The following KCNC3 variants were observed in gnomAD, a reference collection of about 807,000 sequenced individuals.
KCNC3 encodes the protein potassium voltage-gated channel subfamily C member 3.
KCNC3 carries 22 observed loss-of-function variants against 43.9 expected under a neutral mutation model. The ratio of observed to expected loss-of-function variants is 0.50; its 90% CI spans 0.36 to 0.72. KCNC3 has a LOEUF of 0.72. Ranked by LOEUF, KCNC3 falls within the 30% of genes least tolerant of loss-of-function variation. The pLI is 0.00. For synonymous variants in KCNC3, 492 were observed against 488.0 expected, an observed-to-expected ratio of 1.01 and a Z score of -0.11; for missense variants, 829 against 1,073.8, an observed-to-expected ratio of 0.77 and a Z score of 3.19.
intron 4 of KCNC3, among the ~76,000 whole-genome samples, chr19:50,317,810 C>G (rs973837375): frequency 6.6e-5 from 10 of 152,174 alleles, no homozygotes; most frequent in African/African-American, 2.4e-4. Flanking sequence ...CCTTTTCTTC[C>G]CCCAGAGATG....
intron 4 of KCNC3, among the ~76,000 whole-genome samples, chr19:50,319,541 C>T (rs1328166782): frequency 2.0e-5 from 3 of 152,210 alleles, no homozygotes; most frequent in African/African-American, 7.2e-5. Flanking sequence ...GGATTTCTTC[C>T]TCTGCGTGTG....
chr19:50,321,069 G>C (rs2037028295), intron 2 of KCNC3, among the ~76,000 whole-genome samples: 1 of 151,886 alleles, frequency 6.6e-6, no homozygotes, highest in African/African-American at 2.4e-5. Context: ...ACAGGGAGTT[G>C]GACAGATTGT....
chr19:50,326,689 C>T (rs1390271027), intron 1 of KCNC3, among the ~76,000 whole-genome samples: 5 of 152,196 alleles, frequency 3.3e-5, no homozygotes, highest in African/African-American at 1.2e-4. Flanking sequence ...CACATTCTCC[C>T]TCCGGGGTCC....
At chr19:50,331,399 G>A (rs1051346410), upstream of KCNC3, among the ~76,000 whole-genome samples, 17 of 151,390 alleles carry the variant, frequency 1.1e-4, no homozygotes, top group African/African-American at 3.9e-4. Context: ...CTCCCTCCCC[G>A]CAACCCGCTT....
chr19:50,321,350 C>A (rs1261628587), intron 2 of KCNC3, among the ~76,000 whole-genome samples: 1 of 152,122 alleles, frequency 6.6e-6, no homozygotes, highest in East Asian at 1.9e-4. Flanking sequence ...CGCCTATAGT[C>A]CCAGCTACTC....
Position 50,324,552 on chromosome 19 carries a change from G to C in KCNC3, c.871-470C>G, listed in dbSNP as rs976759540. ...GGGCAGACGGGAAGGGAGAAGGCGG[G>C]CAGGGAGGCAGAATCGTGAGGTGGT... On this transcript the variant is annotated intron_variant, in intron 1 of 4. Transcript: ENST00000477616. This position sits in a 1 kb window ranked among gnomAD's most constrained non-coding sequence, Gnocchi z 4.1. Among the ~76,000 whole-genome samples, 1 of 152,216 alleles carries C rather than the reference G, an allele frequency of 6.6e-6. No homozygotes were observed. The highest frequency in any genetic ancestry group is 2.4e-5 in the African/African-American group (1 of 41,462).
chr19:50,318,418 A>C (rs1240325307), intron 4 of KCNC3, among the ~76,000 whole-genome samples: 1 of 149,744 alleles, frequency 6.7e-6, no homozygotes, highest in African/African-American at 2.5e-5. Flanking sequence ...CAAGTGATCC[A>C]CTGTCCTCGG....
In KCNC3 at chr19:50,323,015, G is replaced by C. The variant is rs1396745466; in HGVS notation, c.1938C>G (p.Cys646Trp). ...LPPLPAPGEPCPLAQEEVIEI... is the reference protein window; with the variant it reads ...LPPLPAPGEPWPLAQEEVIEI... The stretch of plus-strand genomic sequence containing the variant: ...CAATCACCTCCTCCTGAGCCAACGG[G>C]CAAGGCTCGCCGGGGGCTGGCAGAG... Residue 646 changes from cysteine to tryptophan, a missense_variant, in exon 2 of 5, where the codon TGC becomes TGG. Cys to Trp is a radical substitution (Grantham distance 215, BLOSUM62 -2). Around this residue, in one of 7 missense-constraint regions of KCNC3, gnomAD observed 308 missense variants for 276.2 expected, o/e 1.11. Transcript: ENST00000477616. 1.3e-6 allele frequency: 2 copies of C among 1,547,756 alleles called. No individual in the cohort carries two copies. The highest frequency in any genetic ancestry group is 1.7e-6 in the Non-Finnish European group (2 of 1,146,304).
intron 1 of KCNC3, among the ~76,000 whole-genome samples, chr19:50,326,973 C>T (rs2037115505): frequency 6.6e-6 from 1 of 151,422 alleles, no homozygotes; most frequent in Non-Finnish European, 1.5e-5. Flanking sequence ...AATCCCAGGG[C>T]AAGGTAGAAA....
chr19:50,322,306 G>A (rs2037043932), intron 2 of KCNC3, among the ~76,000 whole-genome samples: 1 of 152,084 alleles, frequency 6.6e-6, no homozygotes, highest in African/African-American at 2.4e-5. Flanking sequence ...GCACCTCTCT[G>A]GATCTCTCTT....
At chr19:50,331,652 C>G (rs115851052), upstream of KCNC3, among the ~76,000 whole-genome samples, 46,823 of 139,754 alleles carry the variant, frequency 0.34, 10,120 homozygotes, top group Non-Finnish European at 0.46. Context: ...GTATTTCCCC[C>G]TCTTCCGTCT....
chr19:50,328,478 A>C lies in KCNC3; in HGVS notation c.605T>G (p.Phe202Cys). ...HRDAEEALDSFEAPDPAGAAN... is the reference protein window; with the variant it reads ...HRDAEEALDSCEAPDPAGAAN... ...GGCGCCCGCGGGGTCGGGCGCCTCGAAGGAGTCGAGCGCCTCCTCAGCGTC... is the reference window on the plus strand; with the variant it reads ...GGCGCCCGCGGGGTCGGGCGCCTCGCAGGAGTCGAGCGCCTCCTCAGCGTC... The change falls in exon 1 of 5, where the codon TTC (phenylalanine) becomes TGC (cysteine). Residue 202 changes from phenylalanine to cysteine, a missense_variant. Coordinates refer to ENST00000477616, the MANE Select transcript of KCNC3 (RefSeq NM_004977.3). 1 of 1,605,240 alleles carries C rather than the reference A, an allele frequency of 6.2e-7. No individual in the cohort carries two copies.
At position 50,323,982 on chromosome 19, in the gene KCNC3, G is replaced by A; in HGVS notation, c.971C>T (p.Thr324Ile). 3 of 1,613,192 alleles carry A rather than the reference G, an allele frequency of 1.9e-6. No homozygotes were observed. The highest frequency in any genetic ancestry group is 1.7e-6 in the Non-Finnish European group (2 of 1,179,174). The change falls in exon 2 of 5, where the codon ACC (threonine) becomes ATC (isoleucine). Residue 324 changes from threonine to isoleucine, a missense_variant. Thr to Ile is a moderately conservative substitution (Grantham distance 89). Coordinates refer to ENST00000477616, the MANE Select transcript of KCNC3 (RefSeq NM_004977.3). ...TGCCCCGGGGATCGGGGAGGCCTGG[G>A]TCACCGTCTTGTTGCTAATATGGAT... ...GFIHISNKTV[T>I]QASPIPGAPP...
chr19:50,319,422 G>T (rs73062503), intron 4 of KCNC3, among the ~76,000 whole-genome samples: 4,074 of 152,190 alleles, frequency 0.027, 105 homozygotes, highest in African/African-American at 0.067. Context: ...TAGACAAGGT[G>T]GCAGCCTCTC....
chr19:50,314,581 AG>A lies in KCNC3; in HGVS notation c.*1533del, dbSNP rs771315483. The A allele has an allele frequency of 3.5e-6, 1 of 288,732 alleles. No individual in the cohort carries two copies. The highest frequency in any genetic ancestry group is 2.4e-5 in the African/African-American group (1 of 42,404). The allele number at this position is 288,732 out of a possible 1,614,324, so 17.9% of individuals were successfully genotyped here. Reference sequence around the variant, plus strand: ...GGACTTATTTACACAAGTTGATGGCAGGGGGATGTCCTATGGCTCGTGGAGA... The same window carrying A: ...GGACTTATTTACACAAGTTGATGGCAGGGGATGTCCTATGGCTCGTGGAGA... On this transcript the variant is annotated 3_prime_UTR_variant, in exon 5 of 5. Transcript: ENST00000477616.
Position 50,318,072 on chromosome 19 carries a change from C to T in KCNC3, c.*24-1981G>A, listed in dbSNP as rs142541921. The stretch of plus-strand genomic sequence containing the variant: ...CCTCCCAAAGTGCTGGGGTTATAGG[C>T]GGCAGCCACTGTGCCCAGCCAGACC... On this transcript the variant is annotated intron_variant, in intron 4 of 4. Coordinates refer to ENST00000477616, the MANE Select transcript of KCNC3 (RefSeq NM_004977.3). Among the ~76,000 whole-genome samples, 1,062 of 150,990 alleles carry T rather than the reference C, an allele frequency of 7.0e-3. 9 individuals carry two copies. Among genetic ancestry groups the T allele is most frequent in the African/African-American group, 0.024 (987 of 41,106 alleles).
At chr19:50,319,866 G>A (rs1470861429) in intron 4 of KCNC3, among the ~76,000 whole-genome samples, 1 of 151,794 alleles carries the variant, frequency 6.6e-6, no homozygotes, top group Non-Finnish European at 1.5e-5. Context: ...TCCCCATTCT[G>A]CACCCAGAAG....
rs1601090705 is a variant in KCNC3 at position 50,314,630 on chromosome 19, A to T, written c.*1485T>A. ...AGACCTGAGAAGGCTTTTTTTGGGG[A>T]GGGAAGAGTTGGGGGGACGGGCTGT... On this transcript the variant is annotated 3_prime_UTR_variant, in exon 5 of 5. Coordinates refer to ENST00000477616, the MANE Select transcript of KCNC3 (RefSeq NM_004977.3). The T allele has an allele frequency of 3.3e-6, 1 of 306,838 alleles. No individual in the cohort carries two copies. Among genetic ancestry groups the T allele is most frequent in the African/African-American group, 2.7e-5 (1 of 37,562 alleles). 19.0% of individuals were successfully genotyped at this position (306,838 alleles called of 1,614,324 possible).
Position 50,323,530 on chromosome 19 carries a change from C to T in KCNC3, c.1423G>A (p.Asp475Asn), listed in dbSNP as rs201391312. The change falls in exon 2 of 5, where the codon GAC becomes AAC. Residue 475 changes from aspartate to asparagine, a missense_variant. By Grantham distance (23) the Asp-to-Asn change is conservative. Coordinates refer to ENST00000477616, the MANE Select transcript of KCNC3 (RefSeq NM_004977.3). ...MIYYAERIGA[D>N]PDDILGSNHT... is the part of the protein sequence containing the mutation. ...TTGGAGCCCAGGATGTCATCGGGGT[C>T]GGCGCCAATGCGCTCAGCGTAGTAA... 103 of 1,614,062 alleles carry T rather than the reference C, an allele frequency of 6.4e-5. No individual in the cohort carries two copies. The highest frequency in any genetic ancestry group is 7.5e-5 in the Non-Finnish European group (89 of 1,180,042).
Sources: allele counts gnomAD v4.1 joint callset (sites outside exome capture counted in the v4.1 genomes callset), GRCh38; gene constraint gnomAD v4.1.1; regional missense constraint gnomAD v4.1.1; non-coding constraint Gnocchi (gnomAD v3.1); transcripts MANE v1.5; gene names NCBI Gene and HGNC (gene_info 2026-07-23, HGNC 2026-07-21).